MBTPS2: variants seen among roughly 807,000 people sequenced by gnomAD.
MBTPS2 encodes the protein membrane-bound transcription factor site-2 protease.
In MBTPS2, 2 loss-of-function variants were observed where a neutral mutation model predicts 35.4. The ratio of observed to expected loss-of-function variants is 0.06; its 90% confidence interval spans 0.02 to 0.18. MBTPS2 has a LOEUF of 0.18. Among genes scored for constraint, MBTPS2 ranks in the 10% least tolerant of loss-of-function variants. The pLI is 1.00. For missense variants in MBTPS2, 244 were observed against 386.5 expected, an observed-to-expected ratio of 0.63 and a Z score of 3.09; for synonymous variants, 125 against 140.4, an observed-to-expected ratio of 0.89 and a Z score of 0.77.
chrX:21,861,461 A>T (rs2092931220), intron 5 of MBTPS2, among the ~76,000 whole-genome samples: 2 of 112,123 alleles, frequency 1.8e-5, no homozygotes, highest in Non-Finnish European at 3.8e-5. Context: ...ATAAGTTGAT[A>T]TGTTAATAAA....
intron 5 of MBTPS2, among the ~76,000 whole-genome samples, chrX:21,862,845 TATATATATACAC>T (rs1373202510): frequency 1.2e-4 from 11 of 90,520 alleles, no homozygotes; most frequent in African/African-American, 3.9e-4. Flanking sequence ...AAAAAACATA[TATATATATACAC>T]ATATATATAA....
chrX:21,884,955 T>C lies in MBTPS2; in HGVS notation c.*2300T>C, dbSNP rs1602156666. The C allele has an allele frequency of 2.7e-5, 20 of 751,960 alleles. No homozygotes were observed. In the South Asian group the frequency reaches 1.2e-3, roughly 46 times the overall value. 62.0% of individuals were successfully genotyped at this position (751,960 alleles called of 1,213,427 possible). A position where few individuals can be genotyped will look rare whatever the true frequency, so the allele number is the denominator to read the frequency against. ...ATCCACTGTGGTTTCTGTAGAGTGA[T>C]TGGAAAAATGGATTATTTTGAGGAT... is the stretch of plus-strand genomic sequence containing the variant. On this transcript the variant is annotated 3_prime_UTR_variant, in exon 11 of 11. Transcript: ENST00000379484.
At chrX:21,853,677 G>T (rs2092917232) in intron 5 of MBTPS2, among the ~76,000 whole-genome samples, 174 bp downstream of exon 5, 1 of 111,453 alleles carries the variant, frequency 9.0e-6, no homozygotes, top group African/African-American at 3.3e-5. Context: ...CATTCCAGTT[G>T]CTTCCTTAAA....
intron 6 of MBTPS2, among the ~76,000 whole-genome samples, 193 bp from the exon 7 acceptor site, chrX:21,869,305 G>C (rs1490439509): frequency 8.9e-6 from 1 of 112,036 alleles, no homozygotes; most frequent in Non-Finnish European, 1.9e-5. Context: ...CAAAATCTTG[G>C]AGAATTTGGG....
chrX:21,851,578 G>A lies in MBTPS2; in HGVS notation c.508G>A (p.Val170Ile). 8.3e-7 allele frequency: 1 copy of A among 1,204,180 alleles called. No individual in the cohort carries two copies. The highest frequency in any genetic ancestry group is 1.1e-6 in the Non-Finnish European group (1 of 888,869). Residue 170 changes from valine (V) to isoleucine (I), a missense_variant, in exon 4 of 11, where the codon GTA (valine) becomes ATA (isoleucine). Transcript: ENST00000379484. Reference protein sequence around the residue: ...FFTAVLISGVVHEIGHGIAAI... With the variant: ...FFTAVLISGVIHEIGHGIAAI... ...CACGGCAGTTCTCATTAGTGGTGTTGTACATGAAATTGGACATGGGATAGC... is the reference window on the plus strand; with the variant it reads ...CACGGCAGTTCTCATTAGTGGTGTTATACATGAAATTGGACATGGGATAGC...
At chrX:21,857,219 G>C (rs778599338) in intron 5 of MBTPS2, 4 of 1,210,167 alleles carry the variant, frequency 3.3e-6, no homozygotes, top group Non-Finnish European at 3.4e-6. Flanking sequence ...AGCCCAAAAG[G>C]TCCAAAGGAG....
At chrX:21,882,094 G>A (rs1386057251) in intron 10 of MBTPS2, among the ~76,000 whole-genome samples, 1 of 111,998 alleles carries the variant, frequency 8.9e-6, no homozygotes, top group Non-Finnish European at 1.9e-5. Context: ...GGCCCAAAGA[G>A]TAATTTTCCC....
chrX:21,850,054 C>G (rs751529342), intron 3 of MBTPS2, among the ~76,000 whole-genome samples: 1 of 102,752 alleles, frequency 9.7e-6, no homozygotes, highest in Non-Finnish European at 2.0e-5. Context: ...AAAAAAGAGA[C>G]AGGACCTCAA....
At chrX:21,877,429 G>A (rs1243055860) in intron 7 of MBTPS2, among the ~76,000 whole-genome samples, 1 of 111,738 alleles carries the variant, frequency 8.9e-6, no homozygotes, top group African/African-American at 3.3e-5. Context: ...GTGACAGAGC[G>A]AGACTCTATC....
chrX:21,856,810 A>C, intron 5 of MBTPS2: 1 of 1,209,913 alleles, frequency 8.3e-7, no homozygotes, highest in Non-Finnish European at 1.1e-6. Context: ...GCCCTCCCGG[A>C]TAGCATTGAA....
rs1569320207 is a variant in MBTPS2, at chrX:21,839,664, C to T, written c.-71C>T. 9.4e-7 allele frequency: 1 copy of T among 1,068,306 alleles called. No individual in the cohort carries two copies. Among genetic ancestry groups the T allele is most frequent in the Middle Eastern group, 3.1e-4 (1 of 3,216 alleles). The allele number at this position is 1,068,306 out of a possible 1,213,427, so 88.0% of individuals were successfully genotyped here. On this transcript the variant is annotated 5_prime_UTR_variant, in exon 1 of 11. Coordinates refer to ENST00000379484, the MANE Select transcript of MBTPS2 (RefSeq NM_015884.4). ...GGATGCTGGGGCTGTAAGGCGCGCG[C>T]GGTCAGCTGTTGGCGGTGCAGGGAG...
chrX:21,874,130 C>T (rs2092950584), intron 7 of MBTPS2, among the ~76,000 whole-genome samples: 1 of 105,080 alleles, frequency 9.5e-6, no homozygotes, highest in Non-Finnish European at 1.9e-5. Flanking sequence ...AAGCAATTCT[C>T]ATGCCTCAGC....
At chrX:21,865,553 G>A (rs780134905) in intron 5 of MBTPS2, among the ~76,000 whole-genome samples, 1 of 112,446 alleles carries the variant, frequency 8.9e-6, no homozygotes, top group South Asian at 3.6e-4. Flanking sequence ...GTATAAGCCA[G>A]TTGTAAGTTT....
Position 21,845,314 on chromosome X carries a change from C to T in MBTPS2, c.368C>T (p.Ser123Phe). The change falls in exon 3 of 11, where the codon TCT (serine) becomes TTT (phenylalanine). Residue 123 changes from serine (S) to phenylalanine (F), a missense_variant. Physicochemically the swap from Ser to Phe is radical, Grantham distance 155. Transcript: ENST00000379484. ...YSSSSSSSSS[S>F]SSSSSSSSSS... is the part of the protein sequence containing the mutation. Reference sequence around the variant, plus strand: ...TCCTCCTCTTCTTCCTCTTCCTCCTCTTCTTCCTCTTCCTCTTCTTCATCT... The same window carrying T: ...TCCTCCTCTTCTTCCTCTTCCTCCTTTTCTTCCTCTTCCTCTTCTTCATCT... 8.4e-7 allele frequency: 1 copy of T among 1,192,120 alleles called. No individual in the cohort carries two copies. Among genetic ancestry groups the T allele is most frequent in the Non-Finnish European group, 1.1e-6 (1 of 877,905 alleles).
Position 21,883,318 on chromosome X carries a change from T to C in MBTPS2, c.*663T>C, listed in dbSNP as rs2092961338. 1 of 756,081 alleles carries C rather than the reference T, an allele frequency of 1.3e-6. No homozygotes were observed. 62.3% of individuals were successfully genotyped at this position (756,081 alleles called of 1,213,427 possible). ...CATGTTTTGCCCCACAAGAGTTGCA[T>C]CTTTTATAAGGTGTCTCTGCCCCCT... On this transcript the variant is annotated 3_prime_UTR_variant, in exon 11 of 11. Coordinates refer to ENST00000379484, the MANE Select transcript of MBTPS2 (RefSeq NM_015884.4).
At position 21,856,363 on chromosome X, in the gene MBTPS2, T is replaced by TCC. The variant is rs1555983044; in HGVS notation, c.670+2860_670+2861insCC. 15 of 777,764 alleles carry TCC rather than the reference T, an allele frequency of 1.9e-5. No homozygotes were observed. In the African/African-American group the frequency reaches 3.1e-4, roughly 16 times the overall value. The allele number at this position is 777,764 out of a possible 1,213,427, so 64.1% of individuals were successfully genotyped here. On this transcript the variant is annotated intron_variant, in intron 5 of 10. Coordinates refer to ENST00000379484, the MANE Select transcript of MBTPS2 (RefSeq NM_015884.4). Reference sequence around the variant, plus strand: ...GCGCCTTTCTCTGCAGCTCGCGCCTTTCTCTGCAGCTCGCCCCTTCCTCTG... The same window carrying TCC: ...GCGCCTTTCTCTGCAGCTCGCGCCTTCCTCTCTGCAGCTCGCCCCTTCCTCTG...
At chrX:21,860,107 A>AAAG (rs1555983679) in intron 5 of MBTPS2, among the ~76,000 whole-genome samples, 4 of 102,245 alleles carry the variant, frequency 3.9e-5, no homozygotes, top group Non-Finnish European at 7.9e-5. Flanking sequence ...AAAAAAAAAA[A>AAAG]AGAGAAAAAG....
rs755490925 is a variant in MBTPS2 at position 21,884,211 on chromosome X, A to G, written c.*1556A>G. The G allele has an allele frequency of 5.7e-5, 40 of 700,116 alleles. No homozygotes were observed. In the South Asian group the frequency reaches 1.8e-3, roughly 31 times the overall value. The allele number at this position is 700,116 out of a possible 1,213,427, so 57.7% of individuals were successfully genotyped here. On this transcript the variant is annotated 3_prime_UTR_variant, in exon 11 of 11. Transcript: ENST00000379484. The stretch of plus-strand genomic sequence containing the variant: ...ACTTGGGTCATCAGTTAATACCAGT[A>G]CTAAAACCATACGAATTATTGGTTT...
At chrX:21,863,448 A>C (rs201101553) in intron 5 of MBTPS2, among the ~76,000 whole-genome samples, 2 of 110,419 alleles carry the variant, frequency 1.8e-5, no homozygotes, top group East Asian at 5.7e-4. Context: ...TGATAACAGT[A>C]TGCTTACTGT....
Sources: allele counts gnomAD v4.1 joint callset (sites outside exome capture counted in the v4.1 genomes callset), GRCh38; gene constraint gnomAD v4.1.1; transcripts MANE v1.5; gene names NCBI Gene and HGNC (gene_info 2026-07-23, HGNC 2026-07-21).